Variants in LAT2 observed in about 807,000 individuals in gnomAD.
LAT2 encodes linker for activation of T cells family member 2.
LAT2 carries 23 observed loss-of-function variants against 43.4 expected under a neutral mutation model. The observed-to-expected ratio is 0.53, with a 90% CI of 0.38 to 0.75. LAT2 has a LOEUF of 0.75. LAT2 is among the 30% of genes least tolerant of loss of function. The pLI, the probability that LAT2 is intolerant of heterozygous loss-of-function variation, is 0.00. For synonymous variants in LAT2, 128 were observed against 123.2 expected (o/e 1.04, Z -0.26); for missense variants, 284 against 310.2 (o/e 0.92, Z 0.64).
intron 9 of LAT2, 77 bp from the exon 10 acceptor site, chr7:74,221,560 C>A: frequency 1.7e-6 from 2 of 1,170,746 alleles, no homozygotes; most frequent in Non-Finnish European, 2.5e-6. Context: ...GCCCTGGCCT[C>A]ACCGCCCCCT....
intron 2 of LAT2, 60 bp from the exon 3 acceptor site, chr7:74,215,887 G>A: frequency 8.7e-7 from 1 of 1,143,394 alleles, no homozygotes; most frequent in Non-Finnish European, 1.3e-6. Context: ...AGCACAGTGG[G>A]GGTGTGGGGT....
intron 10 of LAT2, among the ~76,000 whole-genome samples, chr7:74,223,407 G>A (rs377605750): frequency 3.2e-4 from 48 of 152,262 alleles, no homozygotes; most frequent in African/African-American, 1.0e-3. Flanking sequence ...TAGGAAGATC[G>A]TTTGAGCCGG....
chr7:74,221,410 C>CCA (rs1554715236), intron 9 of LAT2, among the ~76,000 whole-genome samples: 48 of 21,088 alleles, frequency 2.3e-3, no homozygotes, highest in African/African-American at 5.8e-3. Context: ...GACTCTGTCT[C>CCA]AAAAAAAAAA....
chr7:74,217,085 G>A (rs1375349559), intron 4 of LAT2, among the ~76,000 whole-genome samples: 3 of 152,104 alleles, frequency 2.0e-5, no homozygotes, highest in Non-Finnish European at 2.9e-5. Flanking sequence ...AGGCGGGGAC[G>A]CCTGGGCTGT....
rs782599968 is a variant in LAT2, at chr7:74,220,715, G to T, written c.313G>T (p.Gly105Trp). The change falls in exon 9 of 14, where the codon GGG becomes TGG. Residue 105 changes from glycine to tryptophan, a missense_variant. By Grantham distance (184) the Gly-to-Trp change is radical. Transcript: ENST00000460943. This position sits in a 1 kb window ranked among gnomAD's most constrained non-coding sequence, Gnocchi z 4.5. The stretch of plus-strand genomic sequence containing the variant: ...GCCTCCTCCCGCAGGAAGCAGACAC[G>T]GGTCGGAGGAAGCCTACATGTGAGT... ...YQNFSKGSRH[G>W]SEEAYIDPIA... The T allele has an allele frequency of 9.3e-6, 15 of 1,606,046 alleles. No individual in the cohort carries two copies. The highest frequency in any genetic ancestry group is 1.0e-5 in the Non-Finnish European group (12 of 1,173,908).
At chr7:74,217,155 G>C (rs1469003769) in intron 4 of LAT2, among the ~76,000 whole-genome samples, 2 of 152,182 alleles carry the variant, frequency 1.3e-5, no homozygotes, top group African/African-American at 4.8e-5. Context: ...CATCTGGCCA[G>C]GCACGATGGT....
At chr7:74,212,234 C>G (rs1474663390) in intron 1 of LAT2, among the ~76,000 whole-genome samples, 1 of 151,918 alleles carries the variant, frequency 6.6e-6, no homozygotes, top group African/African-American at 2.4e-5. Flanking sequence ...TCAGCCACCA[C>G]GCCCAGCCTG....
chr7:74,221,285 C>T (rs909842291), intron 9 of LAT2, among the ~76,000 whole-genome samples: 3 of 151,654 alleles, frequency 2.0e-5, no homozygotes, highest in East Asian at 1.9e-4. Context: ...CATGGTGGTG[C>T]GTGCCTGTAA....
intron 4 of LAT2, among the ~76,000 whole-genome samples, chr7:74,217,997 C>A (rs1179848046): frequency 6.6e-6 from 1 of 152,188 alleles, no homozygotes; most frequent in South Asian, 2.1e-4. Flanking sequence ...CCTGCAACCT[C>A]CCCCGATGCC....
Position 74,223,621 on chromosome 7 carries a change from G to A in LAT2, c.389-103G>A, listed in dbSNP as rs116888297. ...GGGACCCAGAGGGCTAGGGCTTGGC[G>A]GAAGAGGTCCCCTGCAAAGGGAAGG... is the stretch of plus-strand genomic sequence containing the variant. On this transcript the variant is annotated intron_variant, in intron 10 of 13. Transcript: ENST00000460943. 8,798 of 1,109,184 alleles carry A rather than the reference G, an allele frequency of 7.9e-3. 38 individuals are homozygous for A. The highest frequency in any genetic ancestry group is 9.7e-3 in the Non-Finnish European group (7,081 of 731,028). The allele number at this position is 1,109,184 out of a possible 1,614,324, so 68.7% of individuals were successfully genotyped here.
intron 1 of LAT2, 123 bp from the exon 2 acceptor site, chr7:74,214,699 A>ATGAAAAT (rs1801952243): frequency 1.2e-5 from 1 of 84,816 alleles, no homozygotes; most frequent in African/African-American, 5.6e-5. Context: ...TAATATATAT[A>ATGAAAAT]AATATATATA....
At chr7:74,227,205 C>A (rs1802524025) in intron 13 of LAT2, among the ~76,000 whole-genome samples, 1 of 151,738 alleles carries the variant, frequency 6.6e-6, no homozygotes, top group Non-Finnish European at 1.5e-5. Context: ...CCACACCCGG[C>A]CAATTTGTAT....
chr7:74,219,974 TGGCCAGGACCCCTG>T lies in LAT2; in HGVS notation c.195_208del (p.Trp65CysfsTer62). Reference sequence around the variant, plus strand: ...GCCCTTTGTAGTGGTCGGGCAGGCATGGCCAGGACCCCTGGCGGACATGGCACCCACAAGGTAGG... The same window carrying T: ...GCCCTTTGTAGTGGTCGGGCAGGCATGCGGACATGGCACCCACAAGGTAGG... On this transcript the variant is annotated frameshift_variant, in exon 6 of 14. Transcript: ENST00000460943. LOFTEE classifies it high-confidence loss of function. 1 of 1,613,618 alleles carries T rather than the reference TGGCCAGGACCCCTG, an allele frequency of 6.2e-7. No homozygotes were observed. Among genetic ancestry groups the T allele is most frequent in the Non-Finnish European group, 8.5e-7 (1 of 1,179,984 alleles).
intron 1 of LAT2, among the ~76,000 whole-genome samples, 177 bp from the exon 2 acceptor site, chr7:74,214,625 TATATATATATATATATGAAA>T (rs1801940283): frequency 6.6e-5 from 1 of 15,170 alleles, no homozygotes; most frequent in African/African-American, 4.5e-4. Flanking sequence ...TATATATGAA[TATATATATATATATATGAAA>T]ATATATATAT....
rs536762603 is a variant in LAT2, at chr7:74,221,907, G to A, written c.388+215G>A. Among the ~76,000 whole-genome samples the A allele has an allele frequency of 4.3e-3, 655 of 151,840 alleles. 3 individuals are homozygous for A. The highest frequency in any genetic ancestry group is 6.0e-3 in the Non-Finnish European group (408 of 67,928). On this transcript the variant is annotated intron_variant, in intron 10 of 13. Transcript: ENST00000460943. ...GGAGAGCTGTGGGCACAGGGCGTGG[G>A]AGAGAGGAGTGGGCCACAGGGCAGG...
chr7:74,227,792 A>G (rs1409652073), intron 13 of LAT2, among the ~76,000 whole-genome samples: 1 of 151,770 alleles, frequency 6.6e-6, no homozygotes, highest in Non-Finnish European at 1.5e-5. Flanking sequence ...GGATAGCTTG[A>G]GTCTAGGAGG....
In LAT2 at chr7:74,220,473, T is replaced by C; in HGVS notation, c.266-111T>C. ...GCCCCACTGAGGGGACAGGGAGCAC[T>C]GCAAAGGCTCAGACACGGGAAATAG... On this transcript the variant is annotated intron_variant, in intron 7 of 13. Coordinates refer to ENST00000460943, the MANE Select transcript of LAT2 (RefSeq NM_032464.3). This position sits in a 1 kb window ranked among gnomAD's most constrained non-coding sequence, Gnocchi z 4.5. The C allele has an allele frequency of 3.5e-6, 5 of 1,445,476 alleles. No individual in the cohort carries two copies. In the South Asian group the frequency reaches 4.7e-5, roughly 14 times the overall value. 89.5% of individuals were successfully genotyped at this position (1,445,476 alleles called of 1,614,324 possible). A position where few individuals can be genotyped will look rare whatever the true frequency, so the allele number is the denominator to read the frequency against.
In LAT2 at chr7:74,214,750, TATATATATATAAACATATATATATAA is replaced by T. The variant is rs1206796717; in HGVS notation, c.-218-60_-218-35del. 8.6e-4 allele frequency: 66 copies of T among 76,812 alleles called. 4 individuals are homozygous for T. Among genetic ancestry groups the T allele is most frequent in the African/African-American group, 3.9e-3 (60 of 15,584 alleles). 4.8% of individuals were successfully genotyped at this position (76,812 alleles called of 1,614,324 possible). A position where few individuals can be genotyped will look rare whatever the true frequency, so the allele number is the denominator to read the frequency against. On this transcript the variant is annotated intron_variant, in intron 1 of 13. Coordinates refer to ENST00000460943, the MANE Select transcript of LAT2 (RefSeq NM_032464.3). ...ATAAATATATATAAAAATATATAAA[TATATATATATAAACATATATATATAA>T]ATATATATATATATATTTTTTTTTT...
Position 74,220,545 on chromosome 7 carries a change from G to A in LAT2, c.266-39G>A, listed in dbSNP as rs1554715039. On this transcript the variant is annotated intron_variant, in intron 7 of 13. Coordinates refer to ENST00000460943, the MANE Select transcript of LAT2 (RefSeq NM_032464.3). This position sits in a 1 kb window ranked among gnomAD's most constrained non-coding sequence, Gnocchi z 4.5. ...GCACCCGAGCTGGGTGCAAAGCAGGGGCCAGGGGAGAAAGCAATTAGCTGG... is the reference window on the plus strand; with the variant it reads ...GCACCCGAGCTGGGTGCAAAGCAGGAGCCAGGGGAGAAAGCAATTAGCTGG... 6.2e-7 allele frequency: 1 copy of A among 1,613,534 alleles called. No individual in the cohort carries two copies. The highest frequency in any genetic ancestry group is 2.2e-5 in the East Asian group (1 of 44,880).
Sources: allele counts gnomAD v4.1 joint callset (sites outside exome capture counted in the v4.1 genomes callset), GRCh38; gene constraint gnomAD v4.1.1; non-coding constraint Gnocchi (gnomAD v3.1); transcripts MANE v1.5; gene names NCBI Gene and HGNC (gene_info 2026-07-23, HGNC 2026-07-21).